Variants in APBB2 observed in about 807,000 individuals in gnomAD.
APBB2 encodes the protein amyloid beta precursor protein binding family B member 2, also known as Fe65-like 1.
APBB2 carries 38 observed loss-of-function variants against 82.5 expected under a neutral mutation model. That is an observed-to-expected ratio of 0.46 (90% CI 0.36 to 0.60). The LOEUF (loss-of-function observed/expected upper bound fraction) is 0.60. Among genes scored for constraint, APBB2 ranks in the 20% least tolerant of loss-of-function variants. The pLI is 0.00. For missense variants in APBB2, 772 were observed against 972.3 expected (o/e 0.79, Z 2.74); for synonymous variants, 341 against 368.2 (o/e 0.93, Z 0.85).
At chr4:41,023,617 G>A (rs758910030) in intron 5 of APBB2, among the ~76,000 whole-genome samples, 2 of 152,018 alleles carry the variant, frequency 1.3e-5, no homozygotes, top group Non-Finnish European at 2.9e-5. Flanking sequence ...TAGGAATACA[G>A]CTAACCAGGG....
chr4:41,060,557 T>C (rs1350993188), intron 4 of APBB2, among the ~76,000 whole-genome samples: 5 of 152,276 alleles, frequency 3.3e-5, no homozygotes, highest in South Asian at 4.1e-4. Context: ...GATATAATAG[T>C]GTCCTCACTC....
At chr4:41,149,842 T>C (rs1761778203) in intron 1 of APBB2, among the ~76,000 whole-genome samples, 1 of 151,956 alleles carries the variant, frequency 6.6e-6, no homozygotes, top group Non-Finnish European at 1.5e-5. Context: ...TCTGATGGTT[T>C]TATAAAGAGC....
intron 10 of APBB2, among the ~76,000 whole-genome samples, chr4:40,902,142 C>T (rs1775477529): frequency 6.6e-6 from 1 of 152,048 alleles, no homozygotes; most frequent in Admixed American, 6.6e-5. Context: ...ATCTGGTTTC[C>T]TTACACATCA....
chr4:41,086,089 T>C (rs1739549586), intron 3 of APBB2, among the ~76,000 whole-genome samples: 1 of 151,978 alleles, frequency 6.6e-6, no homozygotes. Context: ...AAGAACAAAT[T>C]CCTAAACACA....
intron 5 of APBB2, among the ~76,000 whole-genome samples, chr4:41,028,506 C>A (rs916822740): frequency 7.9e-5 from 12 of 152,192 alleles, no homozygotes; most frequent in South Asian, 2.1e-4. Context: ...GAGGAGATAA[C>A]CTGCCCAGCA....
At chr4:41,134,627 C>T (rs1757067246) in intron 2 of APBB2, among the ~76,000 whole-genome samples, 1 of 152,242 alleles carries the variant, frequency 6.6e-6, no homozygotes, top group Middle Eastern at 3.4e-3. Context: ...GAACAAAAAT[C>T]ATTTGATCTC....
chr4:41,156,772 A>G (rs562439375), intron 1 of APBB2, among the ~76,000 whole-genome samples: 1 of 152,264 alleles, frequency 6.6e-6, no homozygotes, highest in Non-Finnish European at 1.5e-5. Context: ...CTCCTCTATA[A>G]AACAAGAATC....
intron 4 of APBB2, among the ~76,000 whole-genome samples, chr4:41,046,149 G>A (rs889900927): frequency 7.2e-5 from 11 of 152,142 alleles, no homozygotes; most frequent in African/African-American, 2.7e-4. Context: ...GGTAAAAGAA[G>A]GTGACAAAGC....
At chr4:40,916,788 T>G (rs2154365830) in intron 10 of APBB2, among the ~76,000 whole-genome samples, 1 of 152,234 alleles carries the variant, frequency 6.6e-6, no homozygotes, top group Admixed American at 6.5e-5. Flanking sequence ...AGGCAATGGA[T>G]TCCCAAAATT....
chr4:41,101,553 T>C (rs1333631806), intron 2 of APBB2, among the ~76,000 whole-genome samples: 2 of 148,996 alleles, frequency 1.3e-5, no homozygotes, highest in Non-Finnish European at 3.0e-5. Context: ...TTAAATACTC[T>C]TCAAATGTAT....
intron 10 of APBB2, among the ~76,000 whole-genome samples, chr4:40,904,252 G>A (rs1398331714): frequency 6.6e-6 from 1 of 151,996 alleles, no homozygotes; most frequent in African/African-American, 2.4e-5. Context: ...CCAACATGGC[G>A]AAACCCCGTT....
intron 7 of APBB2, among the ~76,000 whole-genome samples, chr4:40,936,619 C>T (rs1398144246): frequency 6.6e-6 from 1 of 152,212 alleles, no homozygotes. Flanking sequence ...AATTTAGACC[C>T]ATTATTACTA....
intron 6 of APBB2, among the ~76,000 whole-genome samples, chr4:40,954,189 C>T (rs577038038): frequency 6.6e-6 from 1 of 152,328 alleles, no homozygotes; most frequent in South Asian, 2.1e-4. Context: ...AATAGATTTG[C>T]TTCTAGCAGC....
In APBB2 at chr4:41,064,441, T is replaced by C. The variant is rs571623145; in HGVS notation, c.-51+1135A>G. On this transcript the variant is annotated intron_variant, in intron 4 of 17. Transcript: ENST00000508593. ...GAAAGGATATGGGGGCAAAAGCACTTATGGGGAATTACCCCAAATTTCCCC... is the reference window on the plus strand; with the variant it reads ...GAAAGGATATGGGGGCAAAAGCACTCATGGGGAATTACCCCAAATTTCCCC... 2.2e-4 allele frequency among the ~76,000 whole-genome samples: 34 copies of C among 152,324 alleles called. 1 individual carries two copies. In the South Asian group the frequency reaches 5.0e-3, roughly 22 times the overall value.
At chr4:40,877,603 G>C (rs370133179) in intron 12 of APBB2, among the ~76,000 whole-genome samples, 1 of 152,134 alleles carries the variant, frequency 6.6e-6, no homozygotes, top group Non-Finnish European at 1.5e-5. Flanking sequence ...GCCTTAATCG[G>C]TGCTATATAT....
At position 40,815,279 on chromosome 4, in the gene APBB2, C is replaced by T. The variant is rs1745314652; in HGVS notation, c.*813G>A. 3 of 152,698 alleles carry T rather than the reference C, an allele frequency of 2.0e-5. No homozygotes were observed. Among genetic ancestry groups the T allele is most frequent in the South Asian group, 4.1e-4 (2 of 4,826 alleles). 9.5% of individuals were successfully genotyped at this position (152,698 alleles called of 1,614,324 possible). On this transcript the variant is annotated 3_prime_UTR_variant, in exon 18 of 18. Transcript: ENST00000508593. ...ATAGTGAACTATAATTCTCTAGCTG[C>T]ACCGTACAATATAAGGCAGAAGTTT...
chr4:41,121,512 AG>A lies in APBB2; in HGVS notation c.-260-20763del, dbSNP rs536547117. Among the ~76,000 whole-genome samples, 771 of 152,300 alleles carry A rather than the reference AG, an allele frequency of 5.1e-3. 4 individuals carry two copies. Among genetic ancestry groups the A allele is most frequent in the Middle Eastern group, 0.027 (8 of 294 alleles). ...CATCTGTGGTGTGGCTGGTGGTGGG[AG>A]TGAGGGAAAGCGACAGAGTTGGGAT... is the stretch of plus-strand genomic sequence containing the variant. On this transcript the variant is annotated intron_variant, in intron 2 of 17. Transcript: ENST00000508593.
chr4:40,863,750 G>A lies in APBB2; in HGVS notation c.1529+26614C>T, dbSNP rs28446039. On this transcript the variant is annotated intron_variant, in intron 12 of 17. Transcript: ENST00000508593. ...TCTACGAAAAATGCAAAAATTAGCC[G>A]GTTGTGATGGTGCACGCCAGTAATC... Among the ~76,000 whole-genome samples the A allele has an allele frequency of 2.6e-3, 398 of 151,868 alleles. 1 individual carries two copies. The highest frequency in any genetic ancestry group is 9.3e-3 in the African/African-American group (386 of 41,398).
At chr4:40,929,574 C>T (rs1410611866) in intron 10 of APBB2, among the ~76,000 whole-genome samples, 1 of 152,200 alleles carries the variant, frequency 6.6e-6, no homozygotes, top group East Asian at 1.9e-4. Flanking sequence ...GCTGGGATTA[C>T]AGGCCGTGAG....
Sources: gnomAD v4.1 joint callset for allele counts (sites outside exome capture counted in the v4.1 genomes callset) on GRCh38, gnomAD v4.1.1 for gene constraint, MANE v1.5 for transcripts, NCBI Gene and HGNC (gene_info 2026-07-23, HGNC 2026-07-21) for gene names.